Variants in TNS3 observed in about 807,000 individuals in gnomAD.
TNS3 encodes tensin-3.
A neutral mutation model predicts 140.9 loss-of-function variants in TNS3; 45 were observed. The observed-to-expected ratio is 0.32, with a 90% CI of 0.25 to 0.41. TNS3 has a LOEUF of 0.41. Among genes scored for constraint, TNS3 ranks in the 10% least tolerant of loss-of-function variants. The pLI, the probability that TNS3 is intolerant of heterozygous loss-of-function variation, is 1.00. For missense variants in TNS3, 1,716 were observed against 1,906.7 expected (o/e 0.90, Z 1.86); for synonymous variants, 815 against 788.4 (o/e 1.03, Z -0.56).
intron 4 of TNS3, among the ~76,000 whole-genome samples, chr7:47,452,056 A>G (rs1796038884): frequency 6.6e-6 from 1 of 152,240 alleles, no homozygotes; most frequent in African/African-American, 2.4e-5. Flanking sequence ...TTAAATAAGG[A>G]AACATAAACA....
chr7:47,388,668 T>C (rs1304891789), intron 16 of TNS3, among the ~76,000 whole-genome samples: 2 of 152,012 alleles, frequency 1.3e-5, no homozygotes, highest in East Asian at 3.9e-4. Context: ...AGATCGAGAC[T>C]AGCCTGGCCA....
intron 20 of TNS3, among the ~76,000 whole-genome samples, chr7:47,311,972 T>C (rs1240450483): frequency 1.3e-5 from 2 of 152,196 alleles, no homozygotes; most frequent in African/African-American, 2.4e-5. Flanking sequence ...CGCACTAATG[T>C]TTTCAACATT....
chr7:47,366,151 T>C (rs1790685179), intron 17 of TNS3, among the ~76,000 whole-genome samples: 1 of 152,218 alleles, frequency 6.6e-6, no homozygotes, highest in African/African-American at 2.4e-5. Flanking sequence ...ATACTGCAGA[T>C]AGTTTTTTCC....
chr7:47,285,228 GT>G (rs1409873863), intron 27 of TNS3, among the ~76,000 whole-genome samples: 13 of 152,304 alleles, frequency 8.5e-5, no homozygotes, highest in African/African-American at 3.1e-4. Flanking sequence ...AGGCCATATT[GT>G]TTATAGCTGA....
chr7:47,426,871 A>T (rs1182875433), intron 9 of TNS3, among the ~76,000 whole-genome samples: 1 of 152,058 alleles, frequency 6.6e-6, no homozygotes, highest in Non-Finnish European at 1.5e-5. Flanking sequence ...CACACCTGTA[A>T]TCCCAGCACT....
intron 4 of TNS3, among the ~76,000 whole-genome samples, chr7:47,464,198 A>T (rs1350256285): frequency 6.6e-6 from 1 of 152,088 alleles, no homozygotes; most frequent in Non-Finnish European, 1.5e-5. Flanking sequence ...TATGTTCCCT[A>T]CCTGAGGACC....
chr7:47,350,661 A>C (rs773458936), intron 17 of TNS3, among the ~76,000 whole-genome samples: 3 of 152,130 alleles, frequency 2.0e-5, no homozygotes, highest in Non-Finnish European at 4.4e-5. Flanking sequence ...GCAGGGGTGG[A>C]CTCTGCCTCT....
chr7:47,428,488 G>C (rs914731439), intron 8 of TNS3, 112 bp from the exon 9 acceptor site: 37 of 762,476 alleles, frequency 4.9e-5, no homozygotes, highest in Middle Eastern at 5.2e-4. Flanking sequence ...TGCTTTGGTG[G>C]TAAGGCCAGC....
At chr7:47,561,484 C>T (rs12155302) in intron 1 of TNS3, among the ~76,000 whole-genome samples, 31,660 of 151,844 alleles carry the variant, frequency 0.21, 3,331 homozygotes, top group Middle Eastern at 0.29. Context: ...TTTTTTAAAT[C>T]GCTTAGATAC....
Position 47,277,678 on chromosome 7 carries a change from C to G in TNS3, c.*398G>C, listed in dbSNP as rs1784927158. ...GCCCATGCGGACGGGCGAAGCATGG[C>G]AGTCACTCGGCACCTCTGCCTCAAG... On this transcript the variant is annotated 3_prime_UTR_variant, in exon 31 of 31. Coordinates refer to ENST00000311160, the MANE Select transcript of TNS3 (RefSeq NM_022748.12). 6.9e-6 allele frequency: 2 copies of G among 289,232 alleles called. No homozygotes were observed. Among genetic ancestry groups the G allele is most frequent in the African/African-American group, 4.4e-5 (2 of 45,054 alleles). The allele number at this position is 289,232 out of a possible 1,614,324, so 17.9% of individuals were successfully genotyped here.
At chr7:47,472,425 G>A (rs1436581283) in intron 4 of TNS3, among the ~76,000 whole-genome samples, 1 of 152,208 alleles carries the variant, frequency 6.6e-6, no homozygotes, top group Non-Finnish European at 1.5e-5. Flanking sequence ...ACTGGGAAAG[G>A]AGCCCATTGG....
At chr7:47,565,642 T>C (rs987015127) in intron 1 of TNS3, among the ~76,000 whole-genome samples, 21 of 152,216 alleles carry the variant, frequency 1.4e-4, no homozygotes, top group Non-Finnish European at 2.8e-4. Flanking sequence ...ACTGGGATTA[T>C]AGATAGGCAT....
chr7:47,293,706 T>C (rs1249752681), intron 25 of TNS3, 27 bp downstream of exon 25: 4 of 1,607,656 alleles, frequency 2.5e-6, no homozygotes, highest in African/African-American at 1.3e-5. Context: ...GTTCAGAACA[T>C]TGACAGCAAC....
In TNS3 at chr7:47,427,123, CAAAAA is replaced by C. The variant is rs61383259; in HGVS notation, c.389+1184_389+1188del. ...CCTGGGCAACGAAGCAAGACTCTGTCAAAAAAAAAAAAAAAAAAAAAACAGAAGTG... is the reference window on the plus strand; with the variant it reads ...CCTGGGCAACGAAGCAAGACTCTGTCAAAAAAAAAAAAAAAAACAGAAGTG... On this transcript the variant is annotated intron_variant, in intron 9 of 30. Coordinates refer to ENST00000311160, the MANE Select transcript of TNS3 (RefSeq NM_022748.12). Among the ~76,000 whole-genome samples the C allele has an allele frequency of 3.6e-3, 383 of 106,810 alleles. 2 individuals are homozygous for C. The highest frequency in any genetic ancestry group is 0.013 in the African/African-American group (356 of 26,564). 70.1% of individuals were successfully genotyped at this position (106,810 alleles called of 152,430 possible). A position where few individuals can be genotyped will look rare whatever the true frequency, so the allele number is the denominator to read the frequency against.
intron 2 of TNS3, among the ~76,000 whole-genome samples, chr7:47,522,418 T>C (rs1799016145): frequency 1.3e-5 from 2 of 152,146 alleles, no homozygotes; most frequent in Admixed American, 1.3e-4. Flanking sequence ...CCTGCTCTGA[T>C]GATGGGGGCT....
chr7:47,378,347 G>C (rs572968263), intron 16 of TNS3, among the ~76,000 whole-genome samples: 1 of 152,268 alleles, frequency 6.6e-6, no homozygotes, highest in African/African-American at 2.4e-5. Context: ...TTACACTGAG[G>C]AACTGTTCTC....
chr7:47,496,148 A>G (rs563366423), intron 3 of TNS3, among the ~76,000 whole-genome samples: 21 of 152,216 alleles, frequency 1.4e-4, no homozygotes, highest in Non-Finnish European at 1.9e-4. Flanking sequence ...GGGAGGAAGC[A>G]TACATTATAG....
At chr7:47,535,925 G>GTAAGA (rs1799581973) in intron 1 of TNS3, among the ~76,000 whole-genome samples, 1 of 152,268 alleles carries the variant, frequency 6.6e-6, no homozygotes, top group African/African-American at 2.4e-5. Context: ...CTCCACCATA[G>GTAAGA]TAAGAGGATT....
chr7:47,368,229 G>T, intron 17 of TNS3, 136 bp downstream of exon 17: 1 of 951,664 alleles, frequency 1.1e-6, no homozygotes, highest in Non-Finnish European at 1.4e-6. Flanking sequence ...AAATTCACAA[G>T]AGTTGAAACT....
Sources: allele counts gnomAD v4.1 joint callset (sites outside exome capture counted in the v4.1 genomes callset), GRCh38; gene constraint gnomAD v4.1.1; transcripts MANE v1.5; gene names NCBI Gene and HGNC (gene_info 2026-07-23, HGNC 2026-07-21).